Variants in OSBPL8 observed in about 807,000 individuals in gnomAD.
The protein encoded by OSBPL8 is oxysterol-binding protein-related protein 8.
In OSBPL8, 59 loss-of-function variants were observed where a neutral mutation model predicts 125.5. The ratio of observed to expected loss-of-function variants is 0.47; its 90% CI spans 0.38 to 0.58. OSBPL8 has a LOEUF of 0.58. OSBPL8 is among the 20% of genes least tolerant of loss of function. The pLI is 0.00. For missense variants in OSBPL8, 758 were observed against 1,047.8 expected (o/e 0.72, Z 3.82); for synonymous variants, 330 against 338.9 (o/e 0.97, Z 0.29).
At chr12:76,521,462 A>G (rs563653373) in intron 1 of OSBPL8, among the ~76,000 whole-genome samples, 2 of 152,326 alleles carry the variant, frequency 1.3e-5, no homozygotes, top group South Asian at 4.1e-4. Context: ...TAAGTAAACA[A>G]AAGAAATGAA....
At chr12:76,485,403 C>A (rs887982343) in intron 2 of OSBPL8, among the ~76,000 whole-genome samples, 2 of 151,966 alleles carry the variant, frequency 1.3e-5, no homozygotes, top group African/African-American at 4.8e-5. Flanking sequence ...GAAACCCTGT[C>A]CCTACTACAA....
At chr12:76,499,097 G>C (rs146923851) in intron 1 of OSBPL8, among the ~76,000 whole-genome samples, 1 of 151,996 alleles carries the variant, frequency 6.6e-6, no homozygotes, top group Non-Finnish European at 1.5e-5. Context: ...ATCCACCATC[G>C]AATATAAGGC....
At chr12:76,524,773 T>C (rs1350641356) in intron 1 of OSBPL8, among the ~76,000 whole-genome samples, 1 of 150,636 alleles carries the variant, frequency 6.6e-6, no homozygotes, top group Non-Finnish European at 1.5e-5. Flanking sequence ...AACCTCCGCC[T>C]CCCAGGTTCA....
chr12:76,436,783 C>T (rs1334895058), intron 4 of OSBPL8, among the ~76,000 whole-genome samples: 1 of 152,080 alleles, frequency 6.6e-6, no homozygotes, highest in East Asian at 1.9e-4. Flanking sequence ...ATATGATATA[C>T]ACAAGTTTAT....
At chr12:76,392,279 T>C (rs371993726) in intron 10 of OSBPL8, among the ~76,000 whole-genome samples, 2 of 152,100 alleles carry the variant, frequency 1.3e-5, no homozygotes, top group East Asian at 3.9e-4. Context: ...GAGAAAAGCG[T>C]AAGGAGGAGT....
chr12:76,389,522 G>C (rs1488900148), intron 12 of OSBPL8, 123 bp downstream of exon 12: 5 of 750,522 alleles, frequency 6.7e-6, no homozygotes, highest in Non-Finnish European at 8.2e-6. Flanking sequence ...AAGTGGTAGA[G>C]AACAGAGAGT....
At chr12:76,410,792 T>C (rs1011406684) in intron 4 of OSBPL8, among the ~76,000 whole-genome samples, 158 bp from the exon 5 acceptor site, 3 of 152,180 alleles carry the variant, frequency 2.0e-5, no homozygotes, top group South Asian at 2.1e-4. Flanking sequence ...ATATCTAGCA[T>C]AATCCTTTAG....
At chr12:76,482,785 C>T (rs1877663333) in intron 2 of OSBPL8, among the ~76,000 whole-genome samples, 1 of 152,108 alleles carries the variant, frequency 6.6e-6, no homozygotes, top group Non-Finnish European at 1.5e-5. Flanking sequence ...TGTAAACTTT[C>T]AAAAGATAGT....
At chr12:76,400,443 C>G (rs1433917828) in intron 6 of OSBPL8, among the ~76,000 whole-genome samples, 1 of 152,106 alleles carries the variant, frequency 6.6e-6, no homozygotes, top group Non-Finnish European at 1.5e-5. Context: ...CTATTGTGAA[C>G]AGTGCTGCAA....
chr12:76,520,205 T>C (rs956169061), intron 1 of OSBPL8, among the ~76,000 whole-genome samples: 1 of 152,204 alleles, frequency 6.6e-6, no homozygotes, highest in Non-Finnish European at 1.5e-5. Flanking sequence ...AAAATGTATA[T>C]TGATATCACG....
chr12:76,469,028 C>A (rs73383602), intron 2 of OSBPL8, among the ~76,000 whole-genome samples: 26,420 of 152,134 alleles, frequency 0.17, 2,466 homozygotes, highest in Middle Eastern at 0.24. Context: ...GCTCACCTAA[C>A]ACTGACCACA....
Position 76,450,970 on chromosome 12 carries a change from T to C in OSBPL8, c.98A>G (p.Asp33Gly). 1 of 1,613,764 alleles carries C rather than the reference T, an allele frequency of 6.2e-7. No homozygotes were observed. Among genetic ancestry groups the C allele is most frequent in the Non-Finnish European group, 8.5e-7 (1 of 1,179,866 alleles). Residue 33 changes from aspartate (D) to glycine (G), a missense_variant, in exon 4 of 24, where the codon GAC becomes GGC. This residue lies in a region of OSBPL8 where 117 missense variants were observed against 137.1 expected (regional missense o/e 0.85). Transcript: ENST00000261183. ...LGPSTVVANS[D>G]ESQLLTPGKM... Reference sequence around the variant, plus strand: ...TCCTGGTGTCAGAAGCTGAGATTCGTCACTGTTTGCTACAACAGCTCAAGG... The same window carrying C: ...TCCTGGTGTCAGAAGCTGAGATTCGCCACTGTTTGCTACAACAGCTCAAGG...
At chr12:76,513,737 C>A (rs1881240861) in intron 1 of OSBPL8, among the ~76,000 whole-genome samples, 1 of 143,686 alleles carries the variant, frequency 7.0e-6, no homozygotes, top group Admixed American at 6.9e-5. Flanking sequence ...AGGATTCTAA[C>A]CCCTGGGTTT....
In OSBPL8 at chr12:76,455,364, T is replaced by C. The variant is rs73383589; in HGVS notation, c.80-4376A>G. Among the ~76,000 whole-genome samples the C allele has an allele frequency of 8.3e-3, 1,263 of 152,316 alleles. 16 individuals are homozygous for C. The highest frequency in any genetic ancestry group is 0.029 in the African/African-American group (1,199 of 41,574). On this transcript the variant is annotated intron_variant, in intron 3 of 23. Transcript: ENST00000261183. The stretch of plus-strand genomic sequence containing the variant: ...TCTCATTTACATATGACACATATTC[T>C]TTTGTATGTATCAGACAGAACATTT...
intron 2 of OSBPL8, among the ~76,000 whole-genome samples, chr12:76,480,390 T>C (rs1410313923): frequency 6.6e-6 from 1 of 152,128 alleles, no homozygotes; most frequent in African/African-American, 2.4e-5. Flanking sequence ...GGTGGGAGTA[T>C]AGATGAAACA....
intron 2 of OSBPL8, among the ~76,000 whole-genome samples, chr12:76,483,732 T>C (rs1592764634): frequency 8.0e-6 from 1 of 125,226 alleles, no homozygotes; most frequent in South Asian, 2.9e-4. Flanking sequence ...TGGAGTGCAA[T>C]GGCATGATCT....
rs551701556 is a variant in OSBPL8, at chr12:76,541,002, T to C, written c.-68+18395A>G. Among the ~76,000 whole-genome samples, 206 of 152,166 alleles carry C rather than the reference T, an allele frequency of 1.4e-3. 2 individuals carry two copies. The highest frequency in any genetic ancestry group is 4.7e-3 in the African/African-American group (197 of 41,506). On this transcript the variant is annotated intron_variant, in intron 1 of 23. Transcript: ENST00000261183. The stretch of plus-strand genomic sequence containing the variant: ...AAAAGAAAACACAGCTAGCAAATAA[T>C]CTCAGGGTAGACCAAAAAGAGCAGA...
chr12:76,415,495 G>A (rs933302098), intron 4 of OSBPL8, among the ~76,000 whole-genome samples: 2 of 152,096 alleles, frequency 1.3e-5, no homozygotes, highest in Non-Finnish European at 2.9e-5. Flanking sequence ...TGATCCACCC[G>A]CCTTGGCCTC....
chr12:76,388,067 T>C (rs1197377531), intron 12 of OSBPL8, among the ~76,000 whole-genome samples: 4 of 152,220 alleles, frequency 2.6e-5, no homozygotes, highest in African/African-American at 9.6e-5. Context: ...CTTGCTTTTT[T>C]CACACACAAT....
Sources: allele counts gnomAD v4.1 joint callset (sites outside exome capture counted in the v4.1 genomes callset), GRCh38; gene constraint gnomAD v4.1.1; regional missense constraint gnomAD v4.1.1; transcripts MANE v1.5; gene names NCBI Gene and HGNC (gene_info 2026-07-23, HGNC 2026-07-21).